Variants in SDK1 observed in about 807,000 individuals in gnomAD.
The protein encoded by SDK1 is protein sidekick-1.
In SDK1, 157 loss-of-function variants were observed where a neutral mutation model predicts 245.5. The ratio of observed to expected loss-of-function variants is 0.64; its 90% CI spans 0.56 to 0.73. The LOEUF is 0.73. Among genes scored for constraint, SDK1 ranks in the 30% least tolerant of loss-of-function variants. The pLI is 0.00. For synonymous variants in SDK1, 1,647 were observed against 1,278.5 expected (o/e 1.29, Z -6.15); for missense variants, 3,583 against 3,002.3 (o/e 1.19, Z -4.52).
intron 1 of SDK1, among the ~76,000 whole-genome samples, chr7:3,310,091 G>C (rs749963037): frequency 2.1e-4 from 32 of 152,128 alleles, no homozygotes; most frequent in Non-Finnish European, 3.1e-4. Context: ...CTGTCCTTTT[G>C]GCCATCATCT....
chr7:3,443,851 G>C (rs1486943817), intron 1 of SDK1, among the ~76,000 whole-genome samples: 4 of 152,190 alleles, frequency 2.6e-5, no homozygotes, highest in East Asian at 1.9e-4. Context: ...GTATAATAAA[G>C]TGCAAACTGA....
At chr7:4,005,069 C>T (rs1337978303) in intron 14 of SDK1, among the ~76,000 whole-genome samples, 16 of 89,496 alleles carry the variant, frequency 1.8e-4, no homozygotes, top group Non-Finnish European at 2.6e-4. Flanking sequence ...TTTTTTGAGA[C>T]GGAGTCTTGC....
At chr7:4,252,392 AT>A in intron 44 of SDK1, among the ~76,000 whole-genome samples, 1 of 152,114 alleles carries the variant, frequency 6.6e-6, no homozygotes, top group Admixed American at 6.5e-5. Flanking sequence ...TGAATTCATC[AT>A]TTTTTATGGC....
chr7:4,028,186 T>G (rs1257810892), intron 17 of SDK1, among the ~76,000 whole-genome samples: 1 of 152,118 alleles, frequency 6.6e-6, no homozygotes, highest in African/African-American at 2.4e-5. Flanking sequence ...AATCAGAAAC[T>G]CTTACCATAT....
rs7777357 is a variant in SDK1, at chr7:4,145,993, G to A, written c.4423+77G>A. 1,917 of 1,318,970 alleles carry A rather than the reference G, an allele frequency of 1.5e-3. 23 individuals are homozygous for A. The African/African-American group carries it at 0.024, about 17-fold the overall frequency. 81.7% of individuals were successfully genotyped at this position (1,318,970 alleles called of 1,614,324 possible). On this transcript the variant is annotated intron_variant, in intron 29 of 44. Transcript: ENST00000404826. ...CTCAATCAGGCCCTCTGGGGTCTGC[G>A]GGGTACCTGGGAGGCTTCGGCCTTC...
intron 1 of SDK1, among the ~76,000 whole-genome samples, chr7:3,406,480 T>C (rs557246052): frequency 1.3e-5 from 2 of 152,346 alleles, no homozygotes; most frequent in African/African-American, 4.8e-5. Flanking sequence ...ACAGGCACTC[T>C]GGTCGGACAG....
At chr7:3,819,764 T>G (rs931648065) in intron 4 of SDK1, among the ~76,000 whole-genome samples, 4 of 152,140 alleles carry the variant, frequency 2.6e-5, no homozygotes, top group Non-Finnish European at 5.9e-5. Context: ...TAATATATCC[T>G]ATGGGAACCC....
At chr7:3,971,356 A>T (rs1268367030) in intron 11 of SDK1, 110 bp from the exon 12 acceptor site, 1 of 727,506 alleles carries the variant, frequency 1.4e-6, no homozygotes, top group Non-Finnish European at 2.4e-6. Flanking sequence ...TGCCAAGATG[A>T]GAGAAAACTC....
At position 4,114,345 on chromosome 7, in the gene SDK1, G is replaced by C. The variant is rs553237169; in HGVS notation, c.3823+71G>C. 1,019 of 1,235,886 alleles carry C rather than the reference G, an allele frequency of 8.2e-4. 2 individuals are homozygous for C. Among genetic ancestry groups the C allele is most frequent in the Non-Finnish European group, 1.0e-3 (920 of 884,700 alleles). The allele number at this position is 1,235,886 out of a possible 1,614,324, so 76.6% of individuals were successfully genotyped here. ...GGGGCTGAGTGCCCCTGAGCCTCCA[G>C]ATCCCAGGCTAGTGGCGTCTCATTG... On this transcript the variant is annotated intron_variant, in intron 25 of 44. Coordinates refer to ENST00000404826, the MANE Select transcript of SDK1 (RefSeq NM_152744.4).
intron 17 of SDK1, 112 bp from the exon 18 acceptor site, chr7:4,049,236 T>C: frequency 2.8e-6 from 2 of 724,454 alleles, no homozygotes; most frequent in South Asian, 3.3e-5. Context: ...TCGGTCTCAG[T>C]GCAATAATTG....
intron 10 of SDK1, among the ~76,000 whole-genome samples, chr7:3,968,307 G>A (rs1455592705): frequency 6.6e-6 from 1 of 152,228 alleles, no homozygotes; most frequent in Non-Finnish European, 1.5e-5. Flanking sequence ...GCCACTGAAG[G>A]AACAGCACAC....
intron 5 of SDK1, among the ~76,000 whole-genome samples, chr7:3,879,271 C>T (rs915996239): frequency 3.3e-5 from 5 of 152,184 alleles, no homozygotes; most frequent in African/African-American, 1.2e-4. Flanking sequence ...TGGCCTAAAA[C>T]CAAATGCTTT....
intron 5 of SDK1, among the ~76,000 whole-genome samples, chr7:3,904,553 G>A (rs1326956427): frequency 6.6e-6 from 1 of 152,126 alleles, no homozygotes; most frequent in Non-Finnish European, 1.5e-5. Flanking sequence ...AAAATTAGCA[G>A]ACATGGTGGT....
chr7:3,396,372 G>A (rs1781896955), intron 1 of SDK1, among the ~76,000 whole-genome samples: 1 of 151,808 alleles, frequency 6.6e-6, no homozygotes, highest in Admixed American at 6.6e-5. Context: ...CTGCTGTTGT[G>A]TGGAGTGTGC....
At position 3,974,205 on chromosome 7, in the gene SDK1, G is replaced by A. The variant is rs1226600119; in HGVS notation, c.1818-164G>A. ...TCTCAAAAAAAAAAAAAAAAAGAAA[G>A]AAAGAAAAAGAAAAGAAAAATCACT... On this transcript the variant is annotated intron_variant, in intron 12 of 44. Coordinates refer to ENST00000404826, the MANE Select transcript of SDK1 (RefSeq NM_152744.4). 5.5e-5 allele frequency among the ~76,000 whole-genome samples: 8 copies of A among 145,522 alleles called. No individual in the cohort carries two copies. The South Asian group carries it at 8.8e-4, about 16-fold the overall frequency.
intron 5 of SDK1, among the ~76,000 whole-genome samples, chr7:3,834,933 T>A (rs1779997447): frequency 6.6e-6 from 1 of 152,144 alleles, no homozygotes; most frequent in African/African-American, 2.4e-5. Flanking sequence ...TAGCTCCTTT[T>A]CTTTTGGTGT....
intron 13 of SDK1, among the ~76,000 whole-genome samples, chr7:3,986,662 C>T (rs974726136): frequency 7.9e-5 from 12 of 152,044 alleles, no homozygotes; most frequent in African/African-American, 2.9e-4. Context: ...AGTTCAAGAC[C>T]AACCTGGCCA....
chr7:4,267,335 A>G lies in SDK1; in HGVS notation c.*1951A>G, dbSNP rs1428154042. ...CCCTCCCTCCCTTCCTCTCTCCCCT[A>G]TTCCTTCTTCCTTTTCTCCTCCTTT... On this transcript the variant is annotated 3_prime_UTR_variant, in exon 45 of 45. Transcript: ENST00000404826. 2 of 933,490 alleles carry G rather than the reference A, an allele frequency of 2.1e-6. No homozygotes were observed. The highest frequency in any genetic ancestry group is 2.5e-6 in the Non-Finnish European group (2 of 801,466). 57.8% of individuals were successfully genotyped at this position (933,490 alleles called of 1,614,324 possible).
intron 1 of SDK1, among the ~76,000 whole-genome samples, chr7:3,341,768 A>G (rs1327722392): frequency 6.6e-6 from 1 of 152,250 alleles, no homozygotes; most frequent in East Asian, 1.9e-4. Context: ...TACAAAACTG[A>G]TGAAACAAAT....
Sources: allele counts gnomAD v4.1 joint callset (sites outside exome capture counted in the v4.1 genomes callset), GRCh38; gene constraint gnomAD v4.1.1; transcripts MANE v1.5; gene names NCBI Gene and HGNC (gene_info 2026-07-23, HGNC 2026-07-21).